The following NPAS3 variants were observed in gnomAD, a reference collection of about 807,000 sequenced individuals.
NPAS3 encodes the protein neuronal PAS domain-containing protein 3.
In NPAS3, 14 loss-of-function variants were observed where a neutral mutation model predicts 73.1. The ratio of observed to expected loss-of-function variants is 0.19; its 90% confidence interval spans 0.13 to 0.30. The LOEUF is 0.30. NPAS3 is among the 10% of genes least tolerant of loss of function. NPAS3 has a pLI of 1.00. For synonymous variants in NPAS3, 620 were observed against 541.5 expected (o/e 1.14, Z -2.01); for missense variants, 1,096 against 1,250.0 (o/e 0.88, Z 1.86).
chr14:33,229,245 C>T (rs1365814738), intron 3 of NPAS3, among the ~76,000 whole-genome samples: 2 of 152,200 alleles, frequency 1.3e-5, no homozygotes, highest in African/African-American at 4.8e-5. Flanking sequence ...ATCAAACATA[C>T]TCTTTTAGTA....
At chr14:32,990,372 T>C (rs141361240) in intron 1 of NPAS3, among the ~76,000 whole-genome samples, 3 of 152,314 alleles carry the variant, frequency 2.0e-5, no homozygotes, top group African/African-American at 7.2e-5. Context: ...CTAATTATTA[T>C]AAAAGTGAAA....
chr14:33,789,783 G>T (rs924881041), intron 9 of NPAS3, among the ~76,000 whole-genome samples: 1 of 150,680 alleles, frequency 6.6e-6, no homozygotes, highest in Non-Finnish European at 1.5e-5. Context: ...TAGAGACAGG[G>T]TTTCACCGTT....
intron 3 of NPAS3, among the ~76,000 whole-genome samples, chr14:33,240,365 T>A (rs555742327): frequency 6.6e-6 from 1 of 151,764 alleles, no homozygotes; most frequent in South Asian, 2.1e-4. Context: ...CTACTCTTAT[T>A]TTTCTTTTTC....
chr14:33,214,920 A>AG, intron 2 of NPAS3: 1 of 473,466 alleles, frequency 2.1e-6, no homozygotes, highest in South Asian at 2.4e-5. Context: ...ACCTCAATGC[A>AG]TGGACAATTG....
At chr14:33,425,225 G>C (rs1459488907) in intron 4 of NPAS3, among the ~76,000 whole-genome samples, 1 of 152,012 alleles carries the variant, frequency 6.6e-6, no homozygotes, top group East Asian at 1.9e-4. Flanking sequence ...TATTGAAATG[G>C]ATTGATGCGC....
At chr14:33,790,824 A>G (rs2063337186) in intron 9 of NPAS3, among the ~76,000 whole-genome samples, 1 of 152,116 alleles carries the variant, frequency 6.6e-6, no homozygotes, top group African/African-American at 2.4e-5. Flanking sequence ...GCACACCACC[A>G]CACCTGGCTC....
At chr14:33,689,880 C>T (rs2060186926) in intron 6 of NPAS3, among the ~76,000 whole-genome samples, 1 of 152,200 alleles carries the variant, frequency 6.6e-6, no homozygotes, top group African/African-American at 2.4e-5. Context: ...CTAAGGCTAG[C>T]TTGGAGGCTG....
intron 4 of NPAS3, among the ~76,000 whole-genome samples, chr14:33,388,638 T>C (rs1594815760): frequency 1.3e-5 from 2 of 152,076 alleles, no homozygotes; most frequent in Non-Finnish European, 2.9e-5. Context: ...GAGATTGCAA[T>C]GGAGAAGGAG....
chr14:33,014,788 T>C (rs1294047666), intron 1 of NPAS3, among the ~76,000 whole-genome samples: 1 of 152,094 alleles, frequency 6.6e-6, no homozygotes, highest in Non-Finnish European at 1.5e-5. Flanking sequence ...CATCAAGAGG[T>C]TGGTGAACAT....
intron 2 of NPAS3, among the ~76,000 whole-genome samples, chr14:33,074,660 G>T (rs1163076987): frequency 6.6e-6 from 1 of 152,140 alleles, no homozygotes; most frequent in African/African-American, 2.4e-5. Context: ...CAGGTGATCT[G>T]CCCACCTTCG....
intron 7 of NPAS3, among the ~76,000 whole-genome samples, chr14:33,773,303 A>G (rs986881493): frequency 1.3e-5 from 2 of 152,264 alleles, no homozygotes; most frequent in African/African-American, 4.8e-5. Context: ...ACTGAGCTCC[A>G]TGGTACTGTG....
intron 3 of NPAS3, among the ~76,000 whole-genome samples, chr14:33,253,479 C>T (rs919438098): frequency 6.6e-6 from 1 of 152,066 alleles, no homozygotes; most frequent in Non-Finnish European, 1.5e-5. Flanking sequence ...CAGCTCCTCA[C>T]AACTGATTTC....
intron 5 of NPAS3, among the ~76,000 whole-genome samples, chr14:33,670,499 AG>A (rs1204839607): frequency 6.6e-6 from 1 of 152,196 alleles, no homozygotes; most frequent in Admixed American, 6.5e-5. Context: ...ATATGTAGGA[AG>A]TTATGAAGAT....
intron 3 of NPAS3, among the ~76,000 whole-genome samples, chr14:33,288,730 A>G (rs1264497763): frequency 6.6e-6 from 1 of 152,134 alleles, no homozygotes; most frequent in African/African-American, 2.4e-5. Flanking sequence ...TACATTTTCT[A>G]AAATGAATCA....
At chr14:33,196,448 C>T (rs574987948) in intron 2 of NPAS3, among the ~76,000 whole-genome samples, 5 of 152,334 alleles carry the variant, frequency 3.3e-5, no homozygotes, top group African/African-American at 1.2e-4. Context: ...CCATCTCTCT[C>T]TTTTGAGTAG....
chr14:33,427,147 A>C (rs1182454979), intron 4 of NPAS3, among the ~76,000 whole-genome samples: 1 of 152,044 alleles, frequency 6.6e-6, no homozygotes, highest in Non-Finnish European at 1.5e-5. Context: ...TGTACTTGAT[A>C]ACTTGAAAAA....
intron 3 of NPAS3, among the ~76,000 whole-genome samples, chr14:33,362,729 C>G (rs996184575): frequency 6.6e-6 from 1 of 152,106 alleles, no homozygotes; most frequent in Non-Finnish European, 1.5e-5. Context: ...TGAGATACTA[C>G]CTGCCGAACT....
chr14:33,145,522 C>T (rs894668409), intron 2 of NPAS3, among the ~76,000 whole-genome samples: 1 of 152,054 alleles, frequency 6.6e-6, no homozygotes, highest in Non-Finnish European at 1.5e-5. Flanking sequence ...TCCCTCCCGT[C>T]GTGATAGGTG....
chr14:33,175,331 T>C (rs1332255818), intron 2 of NPAS3, among the ~76,000 whole-genome samples: 1 of 152,174 alleles, frequency 6.6e-6, no homozygotes, highest in Non-Finnish European at 1.5e-5. Context: ...TTCTGTCCTT[T>C]CCTGAAAATG....
Sources: allele counts gnomAD v4.1 joint callset (sites outside exome capture counted in the v4.1 genomes callset), GRCh38; gene constraint gnomAD v4.1.1; transcripts MANE v1.5; gene names NCBI Gene and HGNC (gene_info 2026-07-23, HGNC 2026-07-21).